CCM2L: variants seen among roughly 807,000 people sequenced by gnomAD.
The protein encoded by CCM2L is CCM2 like scaffold protein.
Under a neutral mutation model 54.1 loss-of-function variants are expected in CCM2L, and 36 were observed. The ratio of observed to expected loss-of-function variants is 0.67; its 90% confidence interval spans 0.51 to 0.88. The LOEUF (loss-of-function observed/expected upper bound fraction) is 0.88, where lower values mean the gene tolerates loss of function less well. CCM2L is among the 40% of genes least tolerant of loss of function. The pLI, the probability that CCM2L is intolerant of heterozygous loss-of-function variation, is 0.00. For synonymous variants in CCM2L, 351 were observed against 359.3 expected (o/e 0.98, Z 0.26); for missense variants, 700 against 812.1 (o/e 0.86, Z 1.68).
chr20:32,012,795 T>C (rs2064705440), intron 1 of CCM2L, among the ~76,000 whole-genome samples: 1 of 152,194 alleles, frequency 6.6e-6, no homozygotes, highest in Non-Finnish European at 1.5e-5. Context: ...CAGGTGTAAA[T>C]GTTTACTGAA....
Position 32,019,231 on chromosome 20 carries a change from G to T in CCM2L, c.755G>T (p.Gly252Val). The change falls in exon 5 of 10, where the codon GGA becomes GTA. Residue 252 changes from glycine to valine, a missense_variant. By Grantham distance (109) the Gly-to-Val change is moderately radical (BLOSUM62 -3). Coordinates refer to ENST00000452892, the MANE Select transcript of CCM2L (RefSeq NM_001365692.1). The stretch of plus-strand genomic sequence containing the variant: ...AGCGGCAGCTGGGAGCGGCGGCACG[G>T]AGGCGGCGGCGGCGGCGGCGGCGCG... ...TFSGSWERRHGGGGGGGGAGK... is the reference protein window; with the variant it reads ...TFSGSWERRHVGGGGGGGAGK... The T allele has an allele frequency of 8.6e-7, 1 of 1,167,874 alleles. No homozygotes were observed. The highest frequency in any genetic ancestry group is 1.1e-6 in the Non-Finnish European group (1 of 935,762). 72.3% of individuals were successfully genotyped at this position (1,167,874 alleles called of 1,614,324 possible). A position where few individuals can be genotyped will look rare whatever the true frequency, so the allele number is the denominator to read the frequency against.
intron 5 of CCM2L, among the ~76,000 whole-genome samples, chr20:32,020,628 G>A (rs759618295): frequency 3.3e-5 from 5 of 152,158 alleles, no homozygotes; most frequent in African/African-American, 9.7e-5. Context: ...CTTGCTGTGG[G>A]CCTTGGCTGG....
chr20:32,028,433 CAAAA>C (rs533694905), intron 7 of CCM2L: 2 of 107,712 alleles, frequency 1.9e-5, no homozygotes, highest in East Asian at 3.0e-4. Context: ...GAATCTGTCT[CAAAA>C]AAAAAAAAAA....
chr20:32,011,023 G>T (rs1407245846), intron 1 of CCM2L, among the ~76,000 whole-genome samples: 1 of 152,156 alleles, frequency 6.6e-6, no homozygotes, highest in Non-Finnish European at 1.5e-5. Context: ...AAGTTTTCTA[G>T]TATGCTTCTC....
intron 8 of CCM2L, among the ~76,000 whole-genome samples, chr20:32,029,407 T>C (rs1010677440): frequency 6.6e-6 from 1 of 152,166 alleles, no homozygotes; most frequent in Non-Finnish European, 1.5e-5. Context: ...GAAAATACCA[T>C]CATTATCCTC....
In CCM2L at chr20:32,019,066, C is replaced by A; in HGVS notation, c.590C>A (p.Thr197Asn). 8.0e-7 allele frequency: 1 copy of A among 1,251,666 alleles called. No individual in the cohort carries two copies. Among genetic ancestry groups the A allele is most frequent in the Non-Finnish European group, 1.0e-6 (1 of 1,001,500 alleles). 77.5% of individuals were successfully genotyped at this position (1,251,666 alleles called of 1,614,324 possible). The stretch of plus-strand genomic sequence containing the variant: ...GTGGGCACCGCGGAGCGGCGCCACA[C>A]CATCTGCAGCCTGGACTGGCGGATG... ...RRVGTAERRH[T>N]ICSLDWRMGW... Residue 197 changes from threonine to asparagine, a missense_variant, in exon 5 of 10, where the codon ACC (threonine) becomes AAC (asparagine). Physicochemically the swap from Thr to Asn is moderately conservative, Grantham distance 65. Transcript: ENST00000452892.
rs771727105 is a variant in CCM2L at position 32,017,787 on chromosome 20, G to T, written c.199-13G>T. 6.2e-7 allele frequency: 1 copy of T among 1,613,152 alleles called. No individual in the cohort carries two copies. The highest frequency in any genetic ancestry group is 8.5e-7 in the Non-Finnish European group (1 of 1,179,164). ...CATCTCTGTGTCCTTCTCTCACCCCGATTTCCATCCAGTTCCTGGGCCACC... is the reference window on the plus strand; with the variant it reads ...CATCTCTGTGTCCTTCTCTCACCCCTATTTCCATCCAGTTCCTGGGCCACC... On this transcript the variant is annotated splice_polypyrimidine_tract_variant and intron_variant, in intron 2 of 9. Transcript: ENST00000452892.
intron 1 of CCM2L, among the ~76,000 whole-genome samples, chr20:32,011,932 A>G (rs933630439): frequency 2.0e-5 from 3 of 151,826 alleles, no homozygotes; most frequent in African/African-American, 4.8e-5. Flanking sequence ...TACGCAAGAC[A>G]AAGTCCCAGC....
chr20:32,020,975 CAAA>C (rs1266908379), intron 5 of CCM2L, among the ~76,000 whole-genome samples: 2 of 152,004 alleles, frequency 1.3e-5, no homozygotes, highest in Non-Finnish European at 2.9e-5. Context: ...CAAAACAAAA[CAAA>C]AAAACATCAA....
intron 2 of CCM2L, 121 bp from the exon 3 acceptor site, chr20:32,017,679 G>C (rs773527831): frequency 4.1e-5 from 34 of 828,044 alleles, no homozygotes; most frequent in Non-Finnish European, 6.9e-5. Context: ...TTATTATCAG[G>C]TATATTAATT....
chr20:32,029,328 G>A (rs568739922), intron 8 of CCM2L, among the ~76,000 whole-genome samples: 1 of 152,290 alleles, frequency 6.6e-6, no homozygotes, highest in South Asian at 2.1e-4. Flanking sequence ...AGTGCCTGCT[G>A]TATACCAGGC....
chr20:32,016,102 G>A (rs929958656), intron 2 of CCM2L, among the ~76,000 whole-genome samples: 4 of 151,678 alleles, frequency 2.6e-5, no homozygotes, highest in Non-Finnish European at 5.9e-5. Flanking sequence ...CAGGTGATCC[G>A]CCCACCTTGG....
At chr20:32,015,976 C>T (rs111968647) in intron 2 of CCM2L, among the ~76,000 whole-genome samples, 13,045 of 151,794 alleles carry the variant, frequency 0.086, 595 homozygotes, top group Middle Eastern at 0.13. Context: ...CCTGCCTCAG[C>T]CTCCTTAATA....
chr20:32,017,712 T>C (rs1473785538), intron 2 of CCM2L, 88 bp from the exon 3 acceptor site: 4 of 997,398 alleles, frequency 4.0e-6, no homozygotes, highest in Non-Finnish European at 6.5e-6. Flanking sequence ...TCTCAATCTA[T>C]CCGCACTGCA....
chr20:32,010,560 T>TGGGGGGAAATGGGGGGGGGGGG, intron 1 of CCM2L, 76 bp downstream of exon 1: 1 of 105,748 alleles, frequency 9.5e-6, no homozygotes. Flanking sequence ...TGGGGCGGGG[T>TGGGGGGAAATGGGGGGGGGGGG]GGGGGGTCGG....
chr20:32,021,215 A>C (rs2064804071), intron 5 of CCM2L, among the ~76,000 whole-genome samples: 1 of 152,160 alleles, frequency 6.6e-6, no homozygotes. Context: ...ACATCCTTAC[A>C]ATTGCTTACA....
chr20:32,029,160 A>G, intron 8 of CCM2L, 36 bp downstream of exon 8: 1 of 1,614,028 alleles, frequency 6.2e-7, no homozygotes, highest in Non-Finnish European at 8.5e-7. Context: ...GGCACAAGCA[A>G]AAGCCTGGAG....
Position 32,019,063 on chromosome 20 carries a change from A to G in CCM2L, c.587A>G (p.His196Arg). The G allele has an allele frequency of 7.9e-7, 1 of 1,266,372 alleles. No individual in the cohort carries two copies. Among genetic ancestry groups the G allele is most frequent in the Non-Finnish European group, 9.9e-7 (1 of 1,010,726 alleles). The allele number at this position is 1,266,372 out of a possible 1,614,324, so 78.4% of individuals were successfully genotyped here. ...CGGGTGGGCACCGCGGAGCGGCGCC[A>G]CACCATCTGCAGCCTGGACTGGCGG... The part of the protein sequence containing the change: ...KRRVGTAERR[H>R]TICSLDWRMG... The change falls in exon 5 of 10, where the codon CAC becomes CGC. Residue 196 changes from histidine to arginine, a missense_variant. Coordinates refer to ENST00000452892, the MANE Select transcript of CCM2L (RefSeq NM_001365692.1).
chr20:32,013,474 C>T (rs1187037133), intron 1 of CCM2L, among the ~76,000 whole-genome samples: 1 of 152,054 alleles, frequency 6.6e-6, no homozygotes, highest in African/African-American at 2.4e-5. Context: ...CAAGGTCTTA[C>T]TCTGTCACCC....
Sources: gnomAD v4.1 joint callset for allele counts (sites outside exome capture counted in the v4.1 genomes callset) on GRCh38, gnomAD v4.1.1 for gene constraint, MANE v1.5 for transcripts, NCBI Gene and HGNC (gene_info 2026-07-23, HGNC 2026-07-21) for gene names.